The following KIF1C variants were observed in gnomAD, a reference collection of about 807,000 sequenced individuals.
KIF1C encodes the protein kinesin family member 1C.
Under a neutral mutation model 126.5 loss-of-function variants are expected in KIF1C, and 61 were observed. The observed-to-expected ratio is 0.48, with a 90% CI of 0.39 to 0.60. The LOEUF is 0.60. KIF1C is among the 20% of genes least tolerant of loss of function. The probability of loss-of-function intolerance (pLI) is 0.00; values close to 1 mark genes in which losing one functional copy is unlikely to be tolerated. For missense variants in KIF1C, 1,315 were observed against 1,489.2 expected (o/e 0.88, Z 1.93); for synonymous variants, 640 against 580.6 (o/e 1.10, Z -1.47).
At chr17:5,002,383 C>G (rs986371736) in intron 6 of KIF1C, 81 bp from the exon 7 acceptor site, 1 of 1,324,490 alleles carries the variant, frequency 7.6e-7, no homozygotes, top group Non-Finnish European at 1.1e-6. Flanking sequence ...TCACCTGGAT[C>G]GTGTCCAGTG....
Position 5,020,360 on chromosome 17 carries a change from A to C in KIF1C, c.1751-132A>C. The C allele has an allele frequency of 1.0e-6, 1 of 965,598 alleles. No individual in the cohort carries two copies. The allele number at this position is 965,598 out of a possible 1,614,324, so 59.8% of individuals were successfully genotyped here. ...GTCAGCCAGGGGAGCATAGGCTCCA[A>C]CTGCCTTCAGACTTGGGGTGATGAA... On this transcript the variant is annotated intron_variant, in intron 19 of 22. Coordinates refer to ENST00000320785, the MANE Select transcript of KIF1C (RefSeq NM_006612.6). The surrounding 1 kb of genome is among the most constrained non-coding windows in gnomAD (Gnocchi z 5.8).
rs1387754706 is a variant in KIF1C, at chr17:5,027,301, T to G, written c.*3150T>G. 6.6e-6 allele frequency: 1 copy of G among 152,192 alleles called. No homozygotes were observed. The highest frequency in any genetic ancestry group is 2.4e-5 in the African/African-American group (1 of 41,452). The allele number at this position is 152,192 out of a possible 1,614,324, so 9.4% of individuals were successfully genotyped here. On this transcript the variant is annotated 3_prime_UTR_variant, in exon 23 of 23. Transcript: ENST00000320785. Reference sequence around the variant, plus strand: ...CCACAACCGCACCCGGCTAATTTTTTGTATCTTTAGTAGAGACAGGGTTTC... The same window carrying G: ...CCACAACCGCACCCGGCTAATTTTTGGTATCTTTAGTAGAGACAGGGTTTC...
intron 21 of KIF1C, among the ~76,000 whole-genome samples, chr17:5,021,801 A>G (rs1975095656): frequency 6.6e-6 from 1 of 151,842 alleles, no homozygotes; most frequent in Admixed American, 6.6e-5. Flanking sequence ...AGTCTTGCAC[A>G]AAGTTCCACA....
intron 2 of KIF1C, 28 bp from the exon 3 acceptor site, chr17:5,000,192 C>T (rs888917652): frequency 1.5e-6 from 2 of 1,335,026 alleles, no homozygotes; most frequent in African/African-American, 1.5e-5. Flanking sequence ...GTGGTTCTGA[C>T]CCCACCACTC....
At chr17:4,999,495 T>C (rs1974515137) in intron 1 of KIF1C, among the ~76,000 whole-genome samples, 1 of 152,010 alleles carries the variant, frequency 6.6e-6, no homozygotes, top group Admixed American at 6.6e-5. Flanking sequence ...ACCTCAGGCT[T>C]GCCTTTTGTC....
chr17:5,023,571 C>T lies in KIF1C; in HGVS notation c.2732C>T (p.Ala911Val). The T allele has an allele frequency of 6.2e-7, 1 of 1,613,546 alleles. No homozygotes were observed. Among genetic ancestry groups the T allele is most frequent in the Non-Finnish European group, 8.5e-7 (1 of 1,179,878 alleles). The stretch of plus-strand genomic sequence containing the variant: ...GCCCCCAGTGACCGCATGCCGTCAG[C>T]CCGGCCCCCCTCGCCACCACTGTCA... ...EAAPSDRMPS[A>V]RPPSPPLSSW... Residue 911 changes from alanine to valine, a missense_variant, in exon 23 of 23, where the codon GCC (alanine) becomes GTC (valine). Ala to Val is a moderately conservative substitution (Grantham distance 64). This residue lies in a region of KIF1C where 441 missense variants were observed against 436.1 expected (regional missense o/e 1.01). Transcript: ENST00000320785. This position sits in a 1 kb window ranked among gnomAD's most constrained non-coding sequence, Gnocchi z 4.2.
intron 18 of KIF1C, among the ~76,000 whole-genome samples, chr17:5,015,071 C>T (rs1023602760): frequency 1.3e-5 from 2 of 152,138 alleles, no homozygotes; most frequent in African/African-American, 4.8e-5. Flanking sequence ...CAGGCACTGG[C>T]GAGGGTTCTA....
chr17:5,002,229 A>G (rs1450134324), intron 6 of KIF1C, 105 bp downstream of exon 6: 1 of 1,167,414 alleles, frequency 8.6e-7, no homozygotes, highest in Non-Finnish European at 1.3e-6. Flanking sequence ...CTGGTTACTG[A>G]CTGTGACTTT....
chr17:5,022,828 G>C lies in KIF1C; in HGVS notation c.2628+119G>C, dbSNP rs992030804. ...CTGGAAAAAATTGCATTGAAGTATA[G>C]TACGTTTTTTTCAATATTGTTTACG... On this transcript the variant is annotated intron_variant, in intron 22 of 22. Transcript: ENST00000320785. The surrounding 1 kb of genome is among the most constrained non-coding windows in gnomAD (Gnocchi z 4.9). 9 of 1,336,432 alleles carry C rather than the reference G, an allele frequency of 6.7e-6. No individual in the cohort carries two copies. The highest frequency in any genetic ancestry group is 7.7e-6 in the Non-Finnish European group (8 of 1,033,846). 82.8% of individuals were successfully genotyped at this position (1,336,432 alleles called of 1,614,324 possible). A position where few individuals can be genotyped will look rare whatever the true frequency, so the allele number is the denominator to read the frequency against.
At chr17:5,012,763 G>A (rs967782536) in intron 16 of KIF1C, among the ~76,000 whole-genome samples, 2 of 152,172 alleles carry the variant, frequency 1.3e-5, no homozygotes, top group Admixed American at 1.3e-4. Flanking sequence ...TTCCCCAGGC[G>A]TGGCAGCAGT....
In KIF1C at chr17:5,022,241, G is replaced by A. The variant is rs1975106349; in HGVS notation, c.2160G>A (p.Arg720=). 6.2e-7 allele frequency: 1 copy of A among 1,614,116 alleles called. No individual in the cohort carries two copies. Among genetic ancestry groups the A allele is most frequent in the Non-Finnish European group, 8.5e-7 (1 of 1,180,022 alleles). The change falls in exon 22 of 23, where the codon AGG becomes AGA. Residue 720 remains arginine, a synonymous_variant. Coordinates refer to ENST00000320785, the MANE Select transcript of KIF1C (RefSeq NM_006612.6). The surrounding 1 kb of genome is among the most constrained non-coding windows in gnomAD (Gnocchi z 4.9). ...GTCTGCCCAGCAGTGGCAAGCGCAG[G>A]GCCCCTCGCAGGGTTTATCAGATCC... ...RCGLPSSGKR[R]APRRVYQIPQ... is the part of the protein sequence containing the mutation.
intron 13 of KIF1C, among the ~76,000 whole-genome samples, chr17:5,005,876 A>G (rs1974718389): frequency 6.6e-6 from 1 of 150,558 alleles, no homozygotes; most frequent in African/African-American, 2.4e-5. Flanking sequence ...ACAGGCGCCC[A>G]CCACCACACC....
chr17:5,010,958 C>T (rs1423504120), intron 16 of KIF1C, among the ~76,000 whole-genome samples: 1 of 151,584 alleles, frequency 6.6e-6, no homozygotes, highest in Non-Finnish European at 1.5e-5. Flanking sequence ...CTACAGGCGC[C>T]CACCACCACT....
intron 13 of KIF1C, among the ~76,000 whole-genome samples, chr17:5,005,483 TGGAC>T (rs1424778062): frequency 6.6e-6 from 1 of 152,170 alleles, no homozygotes; most frequent in Non-Finnish European, 1.5e-5. Context: ...CGGTCAGGAA[TGGAC>T]CCTGCATTCA....
intron 21 of KIF1C, among the ~76,000 whole-genome samples, chr17:5,021,178 T>TG (rs1975082872): frequency 7.0e-6 from 1 of 142,348 alleles, no homozygotes; most frequent in Non-Finnish European, 1.5e-5. Context: ...GGTTTTTTTT[T>TG]TTTTTTTTTT....
rs538219110 is a variant in KIF1C at position 5,005,752 on chromosome 17, G to T, written c.1165+752G>T. On this transcript the variant is annotated intron_variant, in intron 13 of 22. Transcript: ENST00000320785. Reference sequence around the variant, plus strand: ...ATTCTTTTTTTTTTTTTTTGAGATGGAGTCTTGCTCTGTCGCTAGGCTGGA... The same window carrying T: ...ATTCTTTTTTTTTTTTTTTGAGATGTAGTCTTGCTCTGTCGCTAGGCTGGA... Among the ~76,000 whole-genome samples, 474 of 150,436 alleles carry T rather than the reference G, an allele frequency of 3.2e-3. 3 individuals are homozygous for T. The highest frequency in any genetic ancestry group is 0.01 in the Middle Eastern group (3 of 294).
chr17:5,015,851 C>T (rs1341497315), intron 18 of KIF1C, among the ~76,000 whole-genome samples: 1 of 152,014 alleles, frequency 6.6e-6, no homozygotes, highest in Non-Finnish European at 1.5e-5. Flanking sequence ...CCACCTTGGC[C>T]TCCCAAAGCA....
chr17:5,008,944 C>A (rs966478077), intron 16 of KIF1C, among the ~76,000 whole-genome samples: 1 of 152,128 alleles, frequency 6.6e-6, no homozygotes, highest in African/African-American at 2.4e-5. Context: ...GTGGAGGTTT[C>A]TTCCTTGGAG....
At chr17:5,005,045 AC>A (rs1974695107) in intron 13 of KIF1C, 45 bp downstream of exon 13, 1 of 1,611,840 alleles carries the variant, frequency 6.2e-7, no homozygotes, top group African/African-American at 1.3e-5. Flanking sequence ...CCCTTGGCCC[AC>A]CCCATCCCTC....
Sources: gnomAD v4.1 joint callset for allele counts (sites outside exome capture counted in the v4.1 genomes callset) on GRCh38, gnomAD v4.1.1 for gene constraint, gnomAD v4.1.1 regional missense constraint, Gnocchi (gnomAD v3.1) non-coding constraint, MANE v1.5 for transcripts, NCBI Gene and HGNC (gene_info 2026-07-23, HGNC 2026-07-21) for gene names.